The following CNTNAP5 variants were observed in gnomAD, a reference collection of about 807,000 sequenced individuals.
The protein encoded by CNTNAP5 is contactin associated protein family member 5, also known as contactin-associated protein-like 5.
CNTNAP5 carries 72 observed loss-of-function variants against 150.2 expected under a neutral mutation model. That is an observed-to-expected ratio of 0.48 (90% CI 0.40 to 0.58). CNTNAP5 has a LOEUF of 0.58. Ranked by LOEUF, CNTNAP5 falls within the 20% of genes least tolerant of loss-of-function variation. The probability of loss-of-function intolerance (pLI) is 0.00; values close to 1 mark genes in which losing one functional copy is unlikely to be tolerated. For missense variants in CNTNAP5, 1,636 were observed against 1,626.2 expected (o/e 1.01, Z -0.10); for synonymous variants, 672 against 619.8 (o/e 1.08, Z -1.25).
At chr2:124,032,346 G>C (rs1432758321) in intron 1 of CNTNAP5, among the ~76,000 whole-genome samples, 1 of 152,076 alleles carries the variant, frequency 6.6e-6, no homozygotes, top group East Asian at 1.9e-4. Context: ...GTAAGCATGA[G>C]AGTCTTTTAT....
At chr2:124,749,050 G>A (rs577395807) in intron 14 of CNTNAP5, among the ~76,000 whole-genome samples, 1 of 152,224 alleles carries the variant, frequency 6.6e-6, no homozygotes, top group Admixed American at 6.5e-5. Context: ...GACATTCAGT[G>A]GTAATTAGTT....
At chr2:124,480,455 C>A (rs145785385) in intron 7 of CNTNAP5, among the ~76,000 whole-genome samples, 3 of 152,292 alleles carry the variant, frequency 2.0e-5, no homozygotes, top group Admixed American at 6.5e-5. Flanking sequence ...CACTCACTGT[C>A]AGAGTTATGT....
intron 3 of CNTNAP5, among the ~76,000 whole-genome samples, chr2:124,367,736 T>C (rs1690414475): frequency 6.6e-6 from 1 of 152,188 alleles, no homozygotes; most frequent in Admixed American, 6.5e-5. Context: ...AGAAAGGACC[T>C]GGCTCCCTGA....
chr2:124,177,407 T>A (rs1229200266), intron 1 of CNTNAP5, among the ~76,000 whole-genome samples: 1 of 152,156 alleles, frequency 6.6e-6, no homozygotes. Flanking sequence ...CCAAAACAAC[T>A]TCTGGGTTCT....
At chr2:124,602,042 A>G (rs1696996660) in intron 11 of CNTNAP5, among the ~76,000 whole-genome samples, 3 of 152,162 alleles carry the variant, frequency 2.0e-5, no homozygotes, top group Admixed American at 2.0e-4. Flanking sequence ...ACATTTTCAA[A>G]CATATGAAAA....
intron 1 of CNTNAP5, among the ~76,000 whole-genome samples, chr2:124,159,589 T>G (rs1359548066): frequency 6.6e-6 from 1 of 152,196 alleles, no homozygotes; most frequent in Non-Finnish European, 1.5e-5. Context: ...TTATTTAACC[T>G]TACTAGGTCT....
chr2:124,172,998 T>C (rs1684971208), intron 1 of CNTNAP5, among the ~76,000 whole-genome samples: 1 of 152,214 alleles, frequency 6.6e-6, no homozygotes, highest in Non-Finnish European at 1.5e-5. Flanking sequence ...TTTCATTACA[T>C]ATTGGTAATT....
At chr2:124,126,097 A>T (rs1242602403) in intron 1 of CNTNAP5, among the ~76,000 whole-genome samples, 1 of 152,126 alleles carries the variant, frequency 6.6e-6, no homozygotes, top group East Asian at 1.9e-4. Context: ...GACACAAAAA[A>T]CCCTTCAAAA....
rs187714785 is a variant in CNTNAP5, at chr2:124,175,676, C to T, written c.83-46029C>T. 1.2e-3 allele frequency among the ~76,000 whole-genome samples: 181 copies of T among 152,268 alleles called. 2 individuals carry two copies. Among genetic ancestry groups the T allele is most frequent in the Middle Eastern group, 6.8e-3 (2 of 294 alleles). ...TAGCCCCCACTTATAAGTGAGAATACGCAGTATTTGGTTTTCTGTTCCCAT... is the reference window on the plus strand; with the variant it reads ...TAGCCCCCACTTATAAGTGAGAATATGCAGTATTTGGTTTTCTGTTCCCAT... On this transcript the variant is annotated intron_variant, in intron 1 of 23. Coordinates refer to ENST00000682447, the MANE Select transcript of CNTNAP5 (RefSeq NM_001367498.1).
intron 13 of CNTNAP5, among the ~76,000 whole-genome samples, chr2:124,677,427 G>T (rs1293655143): frequency 6.6e-6 from 1 of 152,222 alleles, no homozygotes. Context: ...ACCTGAGCAG[G>T]TTGCTGCTGC....
chr2:124,237,794 A>T (rs1686788609), intron 2 of CNTNAP5, among the ~76,000 whole-genome samples: 1 of 152,036 alleles, frequency 6.6e-6, no homozygotes. Context: ...CCGAGATCAC[A>T]CCATTGCACT....
chr2:124,264,744 A>T (rs1687560874), intron 3 of CNTNAP5, among the ~76,000 whole-genome samples: 1 of 152,186 alleles, frequency 6.6e-6, no homozygotes, highest in African/African-American at 2.4e-5. Flanking sequence ...CTTTGCTCGC[A>T]TGCCAGAGGC....
chr2:124,828,322 A>G (rs927816626), intron 19 of CNTNAP5, among the ~76,000 whole-genome samples: 2 of 151,996 alleles, frequency 1.3e-5, no homozygotes, highest in East Asian at 1.9e-4. Flanking sequence ...TCTACTAAAT[A>G]TAAGAAAAAT....
intron 1 of CNTNAP5, among the ~76,000 whole-genome samples, chr2:124,138,764 C>T (rs187721302): frequency 1.7e-4 from 26 of 152,148 alleles, no homozygotes; most frequent in East Asian, 3.9e-4. Flanking sequence ...CTCCGAAATA[C>T]GGCATGTAAG....
At chr2:124,037,767 C>T (rs886305915) in intron 1 of CNTNAP5, among the ~76,000 whole-genome samples, 7 of 152,064 alleles carry the variant, frequency 4.6e-5, no homozygotes, top group African/African-American at 1.7e-4. Flanking sequence ...TTTTGTACAG[C>T]AAGGTGACTA....
intron 11 of CNTNAP5, among the ~76,000 whole-genome samples, chr2:124,569,206 G>A (rs1401433396): frequency 6.6e-6 from 1 of 151,878 alleles, no homozygotes; most frequent in East Asian, 1.9e-4. Context: ...CTCTTATTAC[G>A]GTTTACACTC....
chr2:124,398,480 C>CTTTATTTATTTATTTACTTA lies in CNTNAP5; in HGVS notation c.382-18947_382-18946insCTTATTTATTTATTTATTTA, dbSNP rs1691316743. 2.0e-5 allele frequency among the ~76,000 whole-genome samples: 3 copies of CTTTATTTATTTATTTACTTA among 147,988 alleles called. No individual in the cohort carries two copies. The South Asian group carries it at 6.6e-4, about 32-fold the overall frequency. The stretch of plus-strand genomic sequence containing the variant: ...TATAGGGAATATTAAGAAATTTTTA[C>CTTTATTTATTTATTTACTTA]TTTATTTATTTATTTATTTATTTAT... On this transcript the variant is annotated intron_variant, in intron 3 of 23. Coordinates refer to ENST00000682447, the MANE Select transcript of CNTNAP5 (RefSeq NM_001367498.1).
At chr2:124,026,185 T>C (rs1007483344) in intron 1 of CNTNAP5, among the ~76,000 whole-genome samples, 1 of 152,178 alleles carries the variant, frequency 6.6e-6, no homozygotes, top group Non-Finnish European at 1.5e-5. Context: ...CACCCCACGA[T>C]ACGTGGCTCT....
chr2:124,166,905 GAGCCCAC>G (rs1222870438), intron 1 of CNTNAP5, among the ~76,000 whole-genome samples: 2 of 152,002 alleles, frequency 1.3e-5, no homozygotes, highest in African/African-American at 4.8e-5. Flanking sequence ...CCCCAAGATG[GAGCCCAC>G]AGGATTATAT....
Sources: gnomAD v4.1 joint callset for allele counts (sites outside exome capture counted in the v4.1 genomes callset) on GRCh38, gnomAD v4.1.1 for gene constraint, MANE v1.5 for transcripts, NCBI Gene and HGNC (gene_info 2026-07-23, HGNC 2026-07-21) for gene names.